PARP16: variants seen among roughly 807,000 people sequenced by gnomAD.
PARP16 encodes protein mono-ADP-ribosyltransferase PARP16.
A neutral mutation model predicts 35.0 loss-of-function variants in PARP16; 31 were observed. The observed-to-expected ratio is 0.88, with a 90% CI of 0.66 to 1.19. The LOEUF (loss-of-function observed/expected upper bound fraction) is 1.19, where lower values mean the gene tolerates loss of function less well. Ranked by LOEUF, PARP16 falls within the 50% of genes most tolerant of loss-of-function variation. The pLI is 0.00. For missense variants in PARP16, 424 were observed against 411.2 expected, an observed-to-expected ratio of 1.03 and a Z score of -0.27; for synonymous variants, 162 against 169.5, an observed-to-expected ratio of 0.96 and a Z score of 0.34.
At chr15:65,266,217 G>A (rs2089886580) in intron 3 of PARP16, among the ~76,000 whole-genome samples, 2 of 152,170 alleles carry the variant, frequency 1.3e-5, no homozygotes. Flanking sequence ...TGGCATCTGG[G>A]ATTTTTAAAA....
chr15:65,285,988 T>A (rs574186126), intron 1 of PARP16, among the ~76,000 whole-genome samples: 1 of 152,206 alleles, frequency 6.6e-6, no homozygotes, highest in Admixed American at 6.5e-5. Context: ...TATGCAACTA[T>A]TCCTCACTTC....
At chr15:65,270,415 T>C (rs1339403474) in intron 2 of PARP16, among the ~76,000 whole-genome samples, 1 of 152,168 alleles carries the variant, frequency 6.6e-6, no homozygotes, top group Non-Finnish European at 1.5e-5. Context: ...ACCCAGAGCA[T>C]GAGGTTTTCC....
chr15:65,247,169 TTTG>T (rs1349314517), intron 3 of PARP16, among the ~76,000 whole-genome samples: 1 of 152,082 alleles, frequency 6.6e-6, no homozygotes, highest in Non-Finnish European at 1.5e-5. Context: ...TTTTTAAAAA[TTTG>T]TTGTAGAGAC....
chr15:65,279,144 C>G (rs1595717597), intron 1 of PARP16, among the ~76,000 whole-genome samples: 1 of 152,134 alleles, frequency 6.6e-6, no homozygotes, highest in African/African-American at 2.4e-5. Context: ...GTCCTAGTGC[C>G]TGGGAGCAAG....
chr15:65,262,378 C>G (rs910748112), intron 4 of PARP16, among the ~76,000 whole-genome samples: 1 of 152,102 alleles, frequency 6.6e-6, no homozygotes, highest in African/African-American at 2.4e-5. Flanking sequence ...GTGATCCACC[C>G]GACTTGGCCT....
Position 65,286,751 on chromosome 15 carries a change from T to C in PARP16, c.-325A>G. The C allele has an allele frequency of 3.4e-6, 1 of 296,868 alleles. No homozygotes were observed. The allele number at this position is 296,868 out of a possible 1,614,324, so 18.4% of individuals were successfully genotyped here. Reference sequence around the variant, plus strand: ...CGGCCTAGGGGAAGGGCTATGACAATGGAATGACAACCGCGGGAACGTGCT... The same window carrying C: ...CGGCCTAGGGGAAGGGCTATGACAACGGAATGACAACCGCGGGAACGTGCT... On this transcript the variant is annotated 5_prime_UTR_variant, in exon 1 of 6. Transcript: ENST00000649807.
intron 3 of PARP16, among the ~76,000 whole-genome samples, chr15:65,244,526 A>G (rs941615181): frequency 6.6e-6 from 1 of 152,222 alleles, no homozygotes; most frequent in African/African-American, 2.4e-5. Context: ...TCATGAGAGC[A>G]GCACGGGAAA....
At chr15:65,262,501 C>A (rs558028801) in intron 4 of PARP16, among the ~76,000 whole-genome samples, 29 of 152,290 alleles carry the variant, frequency 1.9e-4, no homozygotes, top group Non-Finnish European at 1.8e-4. Flanking sequence ...GAGAGCCACA[C>A]AATGGTGGGG....
At chr15:65,248,632 C>T (rs1367461793) in intron 2 of PARP16, among the ~76,000 whole-genome samples, 2 of 152,208 alleles carry the variant, frequency 1.3e-5, no homozygotes, top group African/African-American at 4.8e-5. Flanking sequence ...TAGACAAAGG[C>T]AAAGCTGCAG....
At chr15:65,239,145 A>G (rs1212932875) in intron 3 of PARP16, among the ~76,000 whole-genome samples, 2 of 151,944 alleles carry the variant, frequency 1.3e-5, no homozygotes, top group Admixed American at 1.3e-4. Context: ...AAAAAAAGGA[A>G]GGCTGGGTGC....
At chr15:65,247,798 C>CTTT (rs930896140) in intron 3 of PARP16, among the ~76,000 whole-genome samples, 177 of 90,952 alleles carry the variant, frequency 1.9e-3, no homozygotes, top group Non-Finnish European at 2.3e-3. Flanking sequence ...ATGGATTGTT[C>CTTT]TTTTTTTTTT....
At position 65,268,528 on chromosome 15, in the gene PARP16, C is replaced by T. The variant is rs79847445; in HGVS notation, c.313-1760G>A. 8.0e-3 allele frequency among the ~76,000 whole-genome samples: 1,224 copies of T among 152,298 alleles called. 20 individuals carry two copies. The highest frequency in any genetic ancestry group is 0.028 in the African/African-American group (1,181 of 41,550). On this transcript the variant is annotated intron_variant, in intron 2 of 5. Coordinates refer to ENST00000649807, the MANE Select transcript of PARP16 (RefSeq NM_001316943.2). Reference sequence around the variant, plus strand: ...TGGTGTGATCCTAGCTCATCGCAGCCTTGAACTCCTGGGTTCGAGCAATCC... The same window carrying T: ...TGGTGTGATCCTAGCTCATCGCAGCTTTGAACTCCTGGGTTCGAGCAATCC...
At chr15:65,283,075 C>A (rs750720078) in intron 1 of PARP16, among the ~76,000 whole-genome samples, 3 of 152,136 alleles carry the variant, frequency 2.0e-5, no homozygotes, top group Non-Finnish European at 2.9e-5. Flanking sequence ...TCGCCAAGAC[C>A]TTCCAGCAGA....
At chr15:65,247,828 G>A (rs1029368807) in intron 3 of PARP16, among the ~76,000 whole-genome samples, 7 of 134,372 alleles carry the variant, frequency 5.2e-5, no homozygotes, top group South Asian at 2.3e-4. Flanking sequence ...TTTTTGAGAC[G>A]GAGTCTTGCT....
intron 3 of PARP16, among the ~76,000 whole-genome samples, chr15:65,265,734 T>C (rs1031421253): frequency 2.0e-5 from 3 of 152,104 alleles, no homozygotes; most frequent in Non-Finnish European, 4.4e-5. Flanking sequence ...GCGCCTGAGA[T>C]TCGCATTTCC....
Position 65,286,359 on chromosome 15 carries a change from C to A in PARP16, c.68G>T (p.Arg23Leu), listed in dbSNP as rs1468612461. 1 of 1,581,620 alleles carries A rather than the reference C, an allele frequency of 6.3e-7. No homozygotes were observed. Among genetic ancestry groups the A allele is most frequent in the African/African-American group, 1.4e-5 (1 of 72,952 alleles). The change falls in exon 1 of 6, where the codon CGG (arginine) becomes CTG (leucine). Residue 23 changes from arginine to leucine, a missense_variant. Physicochemically the swap from Arg to Leu is moderately radical, Grantham distance 102. Transcript: ENST00000649807. ...CAGGGCCGAGGCGAAGAGGCTGCAC[C>A]GGAGGTCGGCGGCCAGCATGTCGCG... is the stretch of plus-strand genomic sequence containing the variant. ...AGRDMLAADLRCSLFASALQS... is the reference protein window; with the variant it reads ...AGRDMLAADLLCSLFASALQS...
At chr15:65,259,674 T>G in intron 5 of PARP16, 132 bp from the exon 6 acceptor site, 1 of 879,300 alleles carries the variant, frequency 1.1e-6, no homozygotes, top group South Asian at 1.7e-5. Flanking sequence ...GAAATGAAGC[T>G]TCGTGCTTCC....
At chr15:65,237,914 G>A (rs546169389) in intron 3 of PARP16, among the ~76,000 whole-genome samples, 9 of 152,290 alleles carry the variant, frequency 5.9e-5, no homozygotes, top group South Asian at 4.1e-4. Flanking sequence ...GGGGTGCCCC[G>A]GGCTCAGTTC....
intron 3 of PARP16, among the ~76,000 whole-genome samples, chr15:65,236,630 C>T (rs118191316): frequency 3.2e-4 from 48 of 152,320 alleles, no homozygotes; most frequent in Non-Finnish European, 6.0e-4. Flanking sequence ...TAGGGCCAGG[C>T]CCCTGGGCAC....
Sources: gnomAD v4.1 joint callset for allele counts (sites outside exome capture counted in the v4.1 genomes callset) on GRCh38, gnomAD v4.1.1 for gene constraint, MANE v1.5 for transcripts, NCBI Gene and HGNC (gene_info 2026-07-23, HGNC 2026-07-21) for gene names.